Variants in CYLC1 observed in about 807,000 individuals in gnomAD.
CYLC1 encodes the protein cylicin 1.
Under a neutral mutation model 31.6 loss-of-function variants are expected in CYLC1, and 2 were observed. The observed-to-expected ratio is 0.06, with a 90% CI of 0.03 to 0.20. CYLC1 has a LOEUF of 0.20. Ranked by LOEUF, CYLC1 falls within the 10% of genes least tolerant of loss-of-function variation. The probability of loss-of-function intolerance (pLI) is 1.00; values close to 1 mark genes in which losing one functional copy is unlikely to be tolerated. For synonymous variants in CYLC1, 185 were observed against 153.0 expected (o/e 1.21, Z -1.54); for missense variants, 595 against 424.1 (o/e 1.40, Z -3.54).
chrX:83,869,846 C>A lies in CYLC1; in HGVS notation c.18-19C>A, dbSNP rs762116045. ...GCCCATAATACAAATTTAATTAAAG[C>A]ATTTTCTTCTTTTAATAGGCTAAAA... On this transcript the variant is annotated intron_variant, in intron 1 of 4. Transcript: ENST00000329312. 6 of 766,597 alleles carry A rather than the reference C, an allele frequency of 7.8e-6. No homozygotes were observed. Among genetic ancestry groups the A allele is most frequent in the African/African-American group, 4.4e-5 (2 of 45,880 alleles). The allele number at this position is 766,597 out of a possible 1,213,427, so 63.2% of individuals were successfully genotyped here. A position where few individuals can be genotyped will look rare whatever the true frequency, so the allele number is the denominator to read the frequency against.
intron 4 of CYLC1, among the ~76,000 whole-genome samples, chrX:83,876,504 G>C (rs994937729): frequency 9.0e-6 from 1 of 111,172 alleles, no homozygotes; most frequent in Non-Finnish European, 1.9e-5. Context: ...TTCAGGGTAT[G>C]TTCTAGGCTT....
chrX:83,861,285 G>T, intron 1 of CYLC1, 86 bp downstream of exon 1: 2 of 671,522 alleles, frequency 3.0e-6, no homozygotes, highest in Non-Finnish European at 4.4e-6. Context: ...TAACTGTAAA[G>T]AATGTTTCTT....
intron 4 of CYLC1, among the ~76,000 whole-genome samples, chrX:83,879,629 C>T (rs747992111): frequency 5.4e-5 from 6 of 110,888 alleles, no homozygotes; most frequent in African/African-American, 2.0e-4. Context: ...TTTCACCCAT[C>T]GCTTTTTTTC....
At chrX:83,879,929 A>T (rs769499027) in intron 4 of CYLC1, among the ~76,000 whole-genome samples, 98 of 112,323 alleles carry the variant, frequency 8.7e-4, no homozygotes, top group South Asian at 7.3e-3. Context: ...TAATGGATGC[A>T]TAATGATATC....
At chrX:83,883,103 C>A (rs139302120) in intron 4 of CYLC1, among the ~76,000 whole-genome samples, 270 of 110,990 alleles carry the variant, frequency 2.4e-3, no homozygotes, top group African/African-American at 8.3e-3. Context: ...ATTTATATTG[C>A]CCCTCTTTTT....
intron 4 of CYLC1, among the ~76,000 whole-genome samples, chrX:83,881,129 GTGTTGTTGTTGT>G (rs371734890): frequency 2.8e-5 from 3 of 108,992 alleles, no homozygotes; most frequent in Non-Finnish European, 3.8e-5. Context: ...AGGAAAGTGG[GTGTTGTTGTTGT>G]TGTTGTTGTT....
intron 4 of CYLC1, among the ~76,000 whole-genome samples, chrX:83,876,760 T>C (rs779394269): frequency 9.0e-6 from 1 of 111,365 alleles, no homozygotes; most frequent in African/African-American, 3.3e-5. Flanking sequence ...TCTCCTGTTT[T>C]TATTTCTACA....
chrX:83,882,001 A>G (rs1254871074), intron 4 of CYLC1, among the ~76,000 whole-genome samples: 3 of 110,800 alleles, frequency 2.7e-5, no homozygotes, highest in Admixed American at 9.7e-5. Flanking sequence ...TGGTCACCTG[A>G]TTTTATCTAT....
rs746712946 is a variant in CYLC1 at position 83,864,777 on chromosome X, A to G, written c.17+3578A>G. ...TCACATTTACAATTCCACTAGCAGC[A>G]CTTGATACAACTGAGCCCCTTCATG... On this transcript the variant is annotated intron_variant, in intron 1 of 4. Transcript: ENST00000329312. The G allele has an allele frequency of 3.8e-4, 109 of 287,972 alleles. 1 individual carries two copies. Among genetic ancestry groups the G allele is most frequent in the African/African-American group, 2.9e-3 (103 of 35,371 alleles). The allele number at this position is 287,972 out of a possible 1,213,427, so 23.7% of individuals were successfully genotyped here. A position where few individuals can be genotyped will look rare whatever the true frequency, so the allele number is the denominator to read the frequency against.
In CYLC1 at chrX:83,872,911, A is replaced by G. The variant is rs1300725278; in HGVS notation, c.203A>G (p.Glu68Gly). The G allele has an allele frequency of 8.5e-7, 1 of 1,172,213 alleles. No homozygotes were observed. Among genetic ancestry groups the G allele is most frequent in the East Asian group, 3.0e-5 (1 of 33,152 alleles). ...AGACATGACAAAAGAAAACTAGAAGAAGGCCAGAAACCAGCTCATAAATGG... is the reference window on the plus strand; with the variant it reads ...AGACATGACAAAAGAAAACTAGAAGGAGGCCAGAAACCAGCTCATAAATGG... ...VTRHDKRKLEEGQKPAHKWIR... is the reference protein window; with the variant it reads ...VTRHDKRKLEGGQKPAHKWIR... The change falls in exon 4 of 5, where the codon GAA becomes GGA. Residue 68 changes from glutamate to glycine, a missense_variant. Coordinates refer to ENST00000329312, the MANE Select transcript of CYLC1 (RefSeq NM_021118.3).
intron 4 of CYLC1, among the ~76,000 whole-genome samples, chrX:83,875,280 C>T (rs1211752378): frequency 9.0e-6 from 1 of 111,329 alleles, no homozygotes; most frequent in African/African-American, 3.3e-5. Context: ...TACTACTTCT[C>T]TCATCCAGGA....
At position 83,861,204 on chromosome X, in the gene CYLC1, G is replaced by A. The variant is rs1033235440; in HGVS notation, c.17+5G>A. ...GGAAATGTCTCTTCCAAGGTTGTAA[G>A]TCCTCTTTTTAATATTTTTTTAGTA... On this transcript the variant is annotated splice_donor_5th_base_variant and intron_variant, in intron 1 of 4. Transcript: ENST00000329312. 2 of 1,184,953 alleles carry A rather than the reference G, an allele frequency of 1.7e-6. No homozygotes were observed. Among genetic ancestry groups the A allele is most frequent in the African/African-American group, 3.5e-5 (2 of 57,048 alleles).
chrX:83,861,739 G>T (rs1484704213), intron 1 of CYLC1, among the ~76,000 whole-genome samples: 1 of 111,442 alleles, frequency 9.0e-6, no homozygotes, highest in African/African-American at 3.3e-5. Flanking sequence ...CTGTAGTGTT[G>T]TTTTTTATTT....
At chrX:83,885,864 A>G (rs1362482569) in intron 4 of CYLC1, among the ~76,000 whole-genome samples, 4 of 110,158 alleles carry the variant, frequency 3.6e-5, no homozygotes, top group Non-Finnish European at 7.6e-5. Context: ...TAATGTATAT[A>G]ATATATTTGT....
chrX:83,869,792 A>G, intron 1 of CYLC1, 73 bp from the exon 2 acceptor site: 2 of 516,862 alleles, frequency 3.9e-6, no homozygotes, highest in Admixed American at 6.3e-5. Context: ...AGGATAGATT[A>G]CATAAAAAAA....
intron 1 of CYLC1, 110 bp downstream of exon 1, chrX:83,861,309 ATT>A: frequency 9.3e-6 from 5 of 539,027 alleles, no homozygotes; most frequent in Non-Finnish European, 1.4e-5. Flanking sequence ...TAGTCGTTTT[ATT>A]TATGAATTAG....
chrX:83,868,033 C>A (rs981912056), intron 1 of CYLC1, among the ~76,000 whole-genome samples: 1 of 110,571 alleles, frequency 9.0e-6, no homozygotes, highest in Admixed American at 9.7e-5. Context: ...ATAAATGGTG[C>A]AAAAACAATA....
At chrX:83,881,135 T>C (rs977138791) in intron 4 of CYLC1, among the ~76,000 whole-genome samples, 8 of 110,743 alleles carry the variant, frequency 7.2e-5, no homozygotes, top group Admixed American at 6.8e-4. Flanking sequence ...GTGGGTGTTG[T>C]TGTTGTTGTT....
chrX:83,878,404 TATATATAA>T (rs2147785203), intron 4 of CYLC1, among the ~76,000 whole-genome samples: 1 of 45,360 alleles, frequency 2.2e-5, no homozygotes, highest in Admixed American at 4.7e-4. Context: ...TATATATAAA[TATATATAA>T]ATATATATAA....
Sources: allele counts gnomAD v4.1 joint callset (sites outside exome capture counted in the v4.1 genomes callset), GRCh38; gene constraint gnomAD v4.1.1; transcripts MANE v1.5; gene names NCBI Gene and HGNC (gene_info 2026-07-23, HGNC 2026-07-21).